P4HA1: variants seen among roughly 807,000 people sequenced by gnomAD.
The protein encoded by P4HA1 is prolyl 4-hydroxylase subunit alpha-1.
In P4HA1, 24 loss-of-function variants were observed where a neutral mutation model predicts 72.8. That is an observed-to-expected ratio of 0.33 (90% confidence interval 0.24 to 0.46). The LOEUF is 0.46. Ranked by LOEUF, P4HA1 falls within the 20% of genes least tolerant of loss-of-function variation. The pLI, the probability that P4HA1 is intolerant of heterozygous loss-of-function variation, is 1.00. For synonymous variants in P4HA1, 201 were observed against 218.8 expected (o/e 0.92, Z 0.72); for missense variants, 446 against 640.6 (o/e 0.70, Z 3.28).
intron 1 of P4HA1, among the ~76,000 whole-genome samples, chr10:73,081,844 C>T (rs1315960652): frequency 6.6e-6 from 1 of 152,172 alleles, no homozygotes; most frequent in Non-Finnish European, 1.5e-5. Context: ...ACCAGCCTGA[C>T]AAACAGGGTG....
intron 3 of P4HA1, among the ~76,000 whole-genome samples, chr10:73,072,855 G>T (rs1841597363): frequency 6.6e-6 from 1 of 152,098 alleles, no homozygotes. Context: ...GAGGATAGAA[G>T]ATATTAGCAA....
intron 9 of P4HA1, among the ~76,000 whole-genome samples, chr10:73,034,671 T>G (rs990207190): frequency 6.7e-6 from 1 of 148,594 alleles, no homozygotes; most frequent in Non-Finnish European, 1.5e-5. Flanking sequence ...CACTGCAGCC[T>G]CAACCTTCCG....
chr10:73,066,158 G>A (rs1388234680), intron 5 of P4HA1, among the ~76,000 whole-genome samples: 1 of 152,118 alleles, frequency 6.6e-6, no homozygotes, highest in Non-Finnish European at 1.5e-5. Flanking sequence ...TCTGGGTTGG[G>A]GGAGCCTAAA....
intron 12 of P4HA1, 124 bp downstream of exon 12, chr10:73,014,100 T>A (rs1185142745): frequency 5.9e-6 from 4 of 676,448 alleles, no homozygotes; most frequent in African/African-American, 1.8e-5. Flanking sequence ...TAACTCACTT[T>A]ATTCAGTTGT....
chr10:73,032,161 A>T (rs879473964), intron 9 of P4HA1, among the ~76,000 whole-genome samples: 2 of 152,200 alleles, frequency 1.3e-5, no homozygotes, highest in Non-Finnish European at 2.9e-5. Context: ...CTCAGTAGAT[A>T]ATGTATTTCC....
At chr10:73,010,598 G>C (rs1350045824) in intron 13 of P4HA1, among the ~76,000 whole-genome samples, 2 of 152,194 alleles carry the variant, frequency 1.3e-5, no homozygotes, top group Non-Finnish European at 1.5e-5. Context: ...GTCAGGCACA[G>C]GGGTTCATGC....
Position 73,053,262 on chromosome 10 carries a change from A to C in P4HA1, c.703+89T>G, listed in dbSNP as rs150873070. 945 of 1,262,056 alleles carry C rather than the reference A, an allele frequency of 7.5e-4. 2 individuals are homozygous for C. The highest frequency in any genetic ancestry group is 1.0e-3 in the Non-Finnish European group (916 of 900,588). The allele number at this position is 1,262,056 out of a possible 1,614,324, so 78.2% of individuals were successfully genotyped here. A position where few individuals can be genotyped will look rare whatever the true frequency, so the allele number is the denominator to read the frequency against. ...CCTGACTTCTAAAAAGTAAGAAAATACCATATATAAATGAGGGAAAGACAG... is the reference window on the plus strand; with the variant it reads ...CCTGACTTCTAAAAAGTAAGAAAATCCCATATATAAATGAGGGAAAGACAG... On this transcript the variant is annotated intron_variant, in intron 6 of 14. Coordinates refer to ENST00000394890, the MANE Select transcript of P4HA1 (RefSeq NM_001017962.3).
At position 73,053,373 on chromosome 10, in the gene P4HA1, G is replaced by C. The variant is rs568319415; in HGVS notation, c.681C>G (p.Leu227=). ...TACCTAGTTCAAGAAGCTTCTTTGT[G>C]AGCAAAAGTGCCTTATCCAGGTCTC... The part of the protein sequence containing the change: ...QQGDLDKALL[L]TKKLLELDPE... The change falls in exon 6 of 15, where the codon CTC becomes CTG. Residue 227 remains leucine (L), a synonymous_variant. Transcript: ENST00000394890. The C allele has an allele frequency of 1.9e-6, 3 of 1,614,084 alleles. No individual in the cohort carries two copies. The South Asian group carries it at 3.3e-5, about 18-fold the overall frequency.
At chr10:73,086,933 C>CAAAAAAAAA (rs59200288) in intron 1 of P4HA1, among the ~76,000 whole-genome samples, 1 of 33,098 alleles carries the variant, frequency 3.0e-5, no homozygotes, top group African/African-American at 9.5e-5. Context: ...GAGTGCATCT[C>CAAAAAAAAA]AAAAAAAAAA....
chr10:73,077,793 C>A lies in P4HA1; in HGVS notation c.-32-2878G>T, dbSNP rs137993432. Among the ~76,000 whole-genome samples, 39 of 142,960 alleles carry A rather than the reference C, an allele frequency of 2.7e-4. 1 individual carries two copies. The highest frequency in any genetic ancestry group is 8.5e-4 in the African/African-American group (33 of 38,742). 93.8% of individuals were successfully genotyped at this position (142,960 alleles called of 152,430 possible). On this transcript the variant is annotated intron_variant, in intron 1 of 14. Transcript: ENST00000394890. ...CTCAGGAGTTTGAGACCAGGCCGGG[C>A]AACATAGCAAGACTTCATCTCTACA... is the stretch of plus-strand genomic sequence containing the variant.
At chr10:73,023,120 A>C (rs906532534) in intron 10 of P4HA1, among the ~76,000 whole-genome samples, 4 of 152,224 alleles carry the variant, frequency 2.6e-5, no homozygotes, top group African/African-American at 9.6e-5. Flanking sequence ...AGGCAGGCCA[A>C]CAGTCAAATT....
At chr10:73,018,470 G>A (rs1447929644) in intron 10 of P4HA1, among the ~76,000 whole-genome samples, 2 of 152,164 alleles carry the variant, frequency 1.3e-5, no homozygotes, top group South Asian at 4.1e-4. Flanking sequence ...AGGGAGTGAA[G>A]TCATTGCTGT....
intron 9 of P4HA1, chr10:73,043,783 A>AAC: frequency 1.2e-6 from 1 of 842,066 alleles, no homozygotes; most frequent in South Asian, 1.5e-5. Flanking sequence ...ATCTATGCCT[A>AAC]ACCACCTAGG....
chr10:73,087,889 G>A (rs1564639010), intron 1 of P4HA1, among the ~76,000 whole-genome samples: 1 of 152,118 alleles, frequency 6.6e-6, no homozygotes. Context: ...AGTGTGTTTG[G>A]AAGAGCAGAA....
rs1208279142 is a variant in P4HA1 at position 73,072,081 on chromosome 10, C to G, written c.273G>C (p.Leu91=). 1 of 1,613,338 alleles carries G rather than the reference C, an allele frequency of 6.2e-7. No homozygotes were observed. The change falls in exon 4 of 15, where the codon CTG becomes CTC. Residue 91 remains leucine (L), a synonymous_variant. Transcript: ENST00000394890. ...PVNAFKLMKR[L]NTEWSELENL... ...TCTCCAACTCACTCCACTCAGTATT[C>G]AGACGTTTCATTAATTTGAATGCAT...
intron 10 of P4HA1, among the ~76,000 whole-genome samples, chr10:73,019,798 T>C (rs1289401305): frequency 4.0e-5 from 6 of 148,576 alleles, no homozygotes; most frequent in South Asian, 2.1e-4. Context: ...ACCAGCACAC[T>C]TGATTAAGCA....
chr10:73,074,667 T>TA (rs1337656109), intron 2 of P4HA1, 141 bp downstream of exon 2: 3 of 586,434 alleles, frequency 5.1e-6, no homozygotes, highest in South Asian at 2.0e-5. Context: ...GTCAAATTAT[T>TA]AAAAAAGGAC....
intron 1 of P4HA1, among the ~76,000 whole-genome samples, chr10:73,087,156 G>GT (rs147953271): frequency 6.6e-6 from 1 of 151,232 alleles, no homozygotes; most frequent in Non-Finnish European, 1.5e-5. Context: ...TTGTATTGCC[G>GT]TTTTTTCCTT....
intron 5 of P4HA1, among the ~76,000 whole-genome samples, chr10:73,062,186 C>T (rs1403112938): frequency 1.3e-5 from 2 of 152,082 alleles, no homozygotes; most frequent in Non-Finnish European, 2.9e-5. Context: ...ATGTTTAAAA[C>T]GTCTGGAGCT....
Sources: gnomAD v4.1 joint callset for allele counts (sites outside exome capture counted in the v4.1 genomes callset) on GRCh38, gnomAD v4.1.1 for gene constraint, MANE v1.5 for transcripts, NCBI Gene and HGNC (gene_info 2026-07-23, HGNC 2026-07-21) for gene names.